The following ZNF475 variants were observed in gnomAD, a reference collection of about 807,000 sequenced individuals.
The protein encoded by ZNF475 is zinc finger protein 475.
At chr5:122,179,728 C>A in the ZNF475 span, 1 of 1,497,946 alleles carries the variant, frequency 6.7e-7, no homozygotes, top group Non-Finnish European at 8.8e-7. Flanking sequence ...AGGACCATTA[C>A]TGGTAAGTTC....
At chr5:122,167,522 A>G in the ZNF475 span, among the ~76,000 whole-genome samples, 1,469 of 152,332 alleles carry the variant, frequency 9.6e-3, 25 homozygotes, top group African/African-American at 0.033. Flanking sequence ...AATAACTAAA[A>G]TACATTACTT....
the ZNF475 span, among the ~76,000 whole-genome samples, chr5:122,174,772 G>T: frequency 6.6e-6 from 1 of 152,020 alleles, no homozygotes; most frequent in African/African-American, 2.4e-5. Flanking sequence ...ACTGGATTTG[G>T]CTCATACTTT....
the ZNF475 span, among the ~76,000 whole-genome samples, chr5:122,170,930 T>G: frequency 6.6e-6 from 1 of 152,168 alleles, no homozygotes; most frequent in Admixed American, 6.5e-5. Context: ...CCAAATATAA[T>G]TTTAAAAGCT....
chr5:122,172,326 A>C, the ZNF475 span, among the ~76,000 whole-genome samples: 1 of 152,210 alleles, frequency 6.6e-6, no homozygotes, highest in Admixed American at 6.5e-5. Flanking sequence ...ATCACCCTAA[A>C]GCCAGATATG....
At chr5:122,160,266 A>G in the ZNF475 span, 1 of 1,289,822 alleles carries the variant, frequency 7.8e-7, no homozygotes, top group Non-Finnish European at 1.0e-6. Flanking sequence ...CACTAAGGTA[A>G]CAGGACCAGT....
the ZNF475 span, among the ~76,000 whole-genome samples, chr5:122,176,062 A>G: frequency 6.6e-6 from 1 of 152,146 alleles, no homozygotes; most frequent in Non-Finnish European, 1.5e-5. Context: ...TCAGCCCCTC[A>G]TCACTCTTTG....
the ZNF475 span, among the ~76,000 whole-genome samples, chr5:122,173,717 G>T: frequency 6.6e-6 from 1 of 152,186 alleles, no homozygotes; most frequent in African/African-American, 2.4e-5. Flanking sequence ...TCCCTAAAAT[G>T]TTCAAGTGCC....
chr5:122,181,616 T>C, the ZNF475 span, among the ~76,000 whole-genome samples: 2 of 152,324 alleles, frequency 1.3e-5, no homozygotes, highest in South Asian at 4.1e-4. Context: ...GAGAATTGCC[T>C]AAGCTTTAAC....
chr5:122,169,832 C>A, the ZNF475 span, among the ~76,000 whole-genome samples: 1,235 of 152,296 alleles, frequency 8.1e-3, 10 homozygotes, highest in African/African-American at 0.028. Flanking sequence ...ACCATACAGC[C>A]GCACTTGGTT....
chr5:122,178,022 G>C, the ZNF475 span, among the ~76,000 whole-genome samples: 6 of 152,046 alleles, frequency 3.9e-5, no homozygotes, highest in African/African-American at 1.4e-4. Context: ...GTGTTAGTTT[G>C]CTGACAATGG....
At chr5:122,160,340 G>A in the ZNF475 span, 1 of 1,130,394 alleles carries the variant, frequency 8.8e-7, no homozygotes, top group Admixed American at 2.3e-5. Context: ...TATTACATGT[G>A]TGGAATATGT....
the ZNF475 span, among the ~76,000 whole-genome samples, chr5:122,173,302 T>C: frequency 6.6e-6 from 1 of 152,234 alleles, no homozygotes; most frequent in African/African-American, 2.4e-5. Flanking sequence ...TGAATCTATC[T>C]GAAATGTAGG....
the ZNF475 span, chr5:122,179,838 A>G: frequency 2.6e-6 from 2 of 770,268 alleles, no homozygotes; most frequent in Non-Finnish European, 3.8e-6. Flanking sequence ...CAAAATCAAC[A>G]ACATTTCTTG....
the ZNF475 span, among the ~76,000 whole-genome samples, chr5:122,166,783 G>A: frequency 6.6e-6 from 1 of 152,168 alleles, no homozygotes; most frequent in African/African-American, 2.4e-5. Context: ...ATTGTGAATA[G>A]TGCTGCAATA....
At chr5:122,173,236 A>C in the ZNF475 span, among the ~76,000 whole-genome samples, 3 of 152,156 alleles carry the variant, frequency 2.0e-5, no homozygotes, top group Non-Finnish European at 4.4e-5. Flanking sequence ...TGAGTTGTGT[A>C]TTTCACAGTG....
the ZNF475 span, chr5:122,163,029 C>G: frequency 3.9e-5 from 6 of 152,212 alleles, no homozygotes; most frequent in African/African-American, 1.4e-4. Flanking sequence ...ACAGTTAAAT[C>G]AAATACCTTT....
At chr5:122,182,452 T>C in the ZNF475 span, 1 of 1,430,784 alleles carries the variant, frequency 7.0e-7, no homozygotes, top group Non-Finnish European at 9.2e-7. Flanking sequence ...GTATTTTTTT[T>C]TCTTTTTTTC....
At chr5:122,169,520 T>C in the ZNF475 span, among the ~76,000 whole-genome samples, 4 of 152,118 alleles carry the variant, frequency 2.6e-5, no homozygotes, top group Admixed American at 6.5e-5. Context: ...AGTGTCCAGT[T>C]TGGCGTGGCT....
the ZNF475 span, among the ~76,000 whole-genome samples, chr5:122,160,855 T>C: frequency 1.3e-4 from 20 of 152,250 alleles, no homozygotes; most frequent in African/African-American, 4.3e-4. Flanking sequence ...TGATCATGCA[T>C]ACTGAATCTT....
Sources: gnomAD v4.1 joint callset for allele counts (sites outside exome capture counted in the v4.1 genomes callset) on GRCh38, gnomAD v4.1.1 for gene constraint, MANE v1.5 for transcripts, NCBI Gene and HGNC (gene_info 2026-07-23, HGNC 2026-07-21) for gene names.